Variants in HSPA4 observed in about 807,000 individuals in gnomAD.
HSPA4 encodes the protein heat shock protein family A (Hsp70) member 4.
A neutral mutation model predicts 106.2 loss-of-function variants in HSPA4; 25 were observed. The ratio of observed to expected loss-of-function variants is 0.24; its 90% CI spans 0.17 to 0.33. The LOEUF is 0.33. Ranked by LOEUF, HSPA4 falls within the 10% of genes least tolerant of loss-of-function variation. HSPA4 has a pLI of 1.00. For synonymous variants in HSPA4, 332 were observed against 333.6 expected, an observed-to-expected ratio of 1.00 and a Z score of 0.05; for missense variants, 841 against 996.0, an observed-to-expected ratio of 0.84 and a Z score of 2.10.
chr5:133,059,635 A>T (rs1204286561), intron 1 of HSPA4, among the ~76,000 whole-genome samples: 1 of 152,086 alleles, frequency 6.6e-6, no homozygotes, highest in Non-Finnish European at 1.5e-5. Context: ...AAAAAATCCA[A>T]AATGTGTGTA....
intron 14 of HSPA4, among the ~76,000 whole-genome samples, chr5:133,096,883 A>G (rs965942289): frequency 1.2e-4 from 18 of 152,188 alleles, no homozygotes; most frequent in African/African-American, 3.9e-4. Flanking sequence ...CATTGAACCA[A>G]TAGTTTTTTA....
At chr5:133,076,563 T>C (rs530137230) in intron 6 of HSPA4, 91 bp from the exon 7 acceptor site, 2 of 1,153,094 alleles carry the variant, frequency 1.7e-6, no homozygotes, top group African/African-American at 3.1e-5. Flanking sequence ...CCCTCTTTTT[T>C]TTTAGATAAA....
chr5:133,106,109 T>C lies in HSPA4; in HGVS notation c.*1673T>C, dbSNP rs1396034977. 5 of 33,548 alleles carry C rather than the reference T, an allele frequency of 1.5e-4. No individual in the cohort carries two copies. Among genetic ancestry groups the C allele is most frequent in the Admixed American group, 5.2e-4 (2 of 3,820 alleles). The allele number at this position is 33,548 out of a possible 1,614,324, so 2.1% of individuals were successfully genotyped here. A position where few individuals can be genotyped will look rare whatever the true frequency, so the allele number is the denominator to read the frequency against. On this transcript the variant is annotated 3_prime_UTR_variant, in exon 19 of 19. Coordinates refer to ENST00000304858, the MANE Select transcript of HSPA4 (RefSeq NM_002154.4). ...CTTCTTAAAAAAAAAAAAATTTTTT[T>C]TTTTTTTTTTTTTTTTTTTTTTTTT...
At chr5:133,089,979 T>A (rs908829703) in intron 11 of HSPA4, among the ~76,000 whole-genome samples, 1 of 152,222 alleles carries the variant, frequency 6.6e-6, no homozygotes, top group South Asian at 2.1e-4. Context: ...TTAGCAGGTT[T>A]AGAACCAGCC....
chr5:133,098,364 T>C (rs1232536047), intron 15 of HSPA4, among the ~76,000 whole-genome samples: 1 of 152,160 alleles, frequency 6.6e-6, no homozygotes, highest in Non-Finnish European at 1.5e-5. Flanking sequence ...CAGGCTGGAG[T>C]GCGGTGACGC....
intron 4 of HSPA4, 73 bp downstream of exon 4, chr5:133,070,569 T>A: frequency 6.4e-7 from 1 of 1,553,284 alleles, no homozygotes; most frequent in Non-Finnish European, 8.8e-7. Context: ...TAATTTCAAG[T>A]AAACTTGTTT....
chr5:133,059,253 G>T (rs978075053), intron 1 of HSPA4, among the ~76,000 whole-genome samples: 3 of 151,818 alleles, frequency 2.0e-5, no homozygotes, highest in Admixed American at 2.0e-4. Flanking sequence ...TTTGAGACCA[G>T]CCTGGCCAAG....
intron 16 of HSPA4, chr5:133,101,536 A>G: frequency 2.4e-6 from 1 of 412,332 alleles, no homozygotes; most frequent in Non-Finnish European, 4.3e-6. Context: ...CTGTGTTTTG[A>G]GGGCTCAGGT....
intron 7 of HSPA4, among the ~76,000 whole-genome samples, chr5:133,084,365 C>T (rs6872616): frequency 0.022 from 3,319 of 152,204 alleles, 110 homozygotes; most frequent in African/African-American, 0.075. Flanking sequence ...AGAAGTAAAA[C>T]ATTTTAAACT....
intron 3 of HSPA4, among the ~76,000 whole-genome samples, chr5:133,068,766 A>G (rs758599471): frequency 7.3e-5 from 11 of 151,590 alleles, no homozygotes; most frequent in Non-Finnish European, 1.3e-4. Context: ...TAGAAATAAG[A>G]AATAAAGAAA....
chr5:133,075,445 T>C lies in HSPA4; in HGVS notation c.664-1209T>C, dbSNP rs536117894. On this transcript the variant is annotated intron_variant, in intron 6 of 18. Transcript: ENST00000304858. The stretch of plus-strand genomic sequence containing the variant: ...GTTTTGCAATCCTTTTGATTACTTT[T>C]AAATTATAAAAATATTCATTACAAA... Among the ~76,000 whole-genome samples, 9 of 152,354 alleles carry C rather than the reference T, an allele frequency of 5.9e-5. No individual in the cohort carries two copies. The South Asian group carries it at 1.7e-3, about 28-fold the overall frequency.
chr5:133,088,473 A>C lies in HSPA4; in HGVS notation c.1055A>C (p.Glu352Ala), dbSNP rs771467624. ...GCTACACGAATCCCTGCGGTAAAAG[A>C]GAAGATCAGCAAATTTTTCGGTAAA... ...GGATRIPAVK[E>A]KISKFFGKEL... The change falls in exon 9 of 19, where the codon GAG (glutamate) becomes GCG (alanine). Residue 352 changes from glutamate to alanine, a missense_variant. By Grantham distance (107) the Glu-to-Ala change is moderately radical. Transcript: ENST00000304858. The C allele has an allele frequency of 5.0e-6, 8 of 1,613,346 alleles. No homozygotes were observed. Among genetic ancestry groups the C allele is most frequent in the Non-Finnish European group, 6.8e-6 (8 of 1,179,254 alleles).
At chr5:133,078,860 A>T (rs1765480338) in intron 7 of HSPA4, among the ~76,000 whole-genome samples, 1 of 151,786 alleles carries the variant, frequency 6.6e-6, no homozygotes, top group East Asian at 2.0e-4. Context: ...CAGTCTCCTG[A>T]GTAGCTGGGA....
rs184654378 is a variant in HSPA4, at chr5:133,082,627, G to A, written c.909-4155G>A. Reference sequence around the variant, plus strand: ...AGTATAGGTGTTCACCGACATATCTGGCCAATTTTTGTATTTTTTGTAGAG... The same window carrying A: ...AGTATAGGTGTTCACCGACATATCTAGCCAATTTTTGTATTTTTTGTAGAG... On this transcript the variant is annotated intron_variant, in intron 7 of 18. Transcript: ENST00000304858. Among the ~76,000 whole-genome samples, 25 of 151,934 alleles carry A rather than the reference G, an allele frequency of 1.6e-4. No homozygotes were observed. The East Asian group carries it at 4.9e-3, about 30-fold the overall frequency.
At chr5:133,071,638 CT>C (rs1765382574) in intron 4 of HSPA4, among the ~76,000 whole-genome samples, 2 of 152,152 alleles carry the variant, frequency 1.3e-5, no homozygotes, top group Non-Finnish European at 2.9e-5. Context: ...TTACCTGATA[CT>C]TTAGTTTCAT....
chr5:133,084,850 C>T (rs1384855776), intron 7 of HSPA4, among the ~76,000 whole-genome samples: 1 of 151,976 alleles, frequency 6.6e-6, no homozygotes, highest in Non-Finnish European at 1.5e-5. Context: ...ACCTATTGCC[C>T]AGGCTGGAGT....
In HSPA4 at chr5:133,104,507, A is replaced by C; in HGVS notation, c.*71A>C. The C allele has an allele frequency of 2.2e-6, 3 of 1,386,296 alleles. No homozygotes were observed. Among genetic ancestry groups the C allele is most frequent in the Non-Finnish European group, 3.0e-6 (3 of 987,964 alleles). The allele number at this position is 1,386,296 out of a possible 1,614,324, so 85.9% of individuals were successfully genotyped here. A position where few individuals can be genotyped will look rare whatever the true frequency, so the allele number is the denominator to read the frequency against. ...GTTGTCAACTTTGTTCTAAATATCAACTAGCGCAAGTGAATACTGAAGATT... is the reference window on the plus strand; with the variant it reads ...GTTGTCAACTTTGTTCTAAATATCACCTAGCGCAAGTGAATACTGAAGATT... On this transcript the variant is annotated 3_prime_UTR_variant, in exon 19 of 19. Coordinates refer to ENST00000304858, the MANE Select transcript of HSPA4 (RefSeq NM_002154.4).
At chr5:133,074,693 C>G (rs1765425984) in intron 6 of HSPA4, among the ~76,000 whole-genome samples, 1 of 152,138 alleles carries the variant, frequency 6.6e-6, no homozygotes, top group South Asian at 2.1e-4. Context: ...AAAGGGGTTT[C>G]TTTTGGATGC....
At chr5:133,090,620 A>G (rs1042730564) in intron 11 of HSPA4, among the ~76,000 whole-genome samples, 1 of 152,154 alleles carries the variant, frequency 6.6e-6, no homozygotes, top group Admixed American at 6.5e-5. Flanking sequence ...GACCTAGAAT[A>G]TATGGGTAAA....
Sources: gnomAD v4.1 joint callset for allele counts (sites outside exome capture counted in the v4.1 genomes callset) on GRCh38, gnomAD v4.1.1 for gene constraint, MANE v1.5 for transcripts, NCBI Gene and HGNC (gene_info 2026-07-23, HGNC 2026-07-21) for gene names.